Variants in RANBP17 observed in about 807,000 individuals in gnomAD.
The protein encoded by RANBP17 is RAN binding protein 17, also known as ran-binding protein 17.
Under a neutral mutation model 141.2 loss-of-function variants are expected in RANBP17, and 158 were observed. The observed-to-expected ratio is 1.12, with a 90% confidence interval of 0.98 to 1.28. The LOEUF is 1.28. Ranked by LOEUF, RANBP17 falls within the 50% of genes most tolerant of loss-of-function variation. The probability of loss-of-function intolerance (pLI) is 0.00; values close to 1 mark genes in which losing one functional copy is unlikely to be tolerated. For missense variants in RANBP17, 1,438 were observed against 1,290.7 expected, an observed-to-expected ratio of 1.11 and a Z score of -1.75; for synonymous variants, 430 against 450.0, an observed-to-expected ratio of 0.96 and a Z score of 0.56.
At chr5:171,276,494 A>G (rs1409252060) in intron 25 of RANBP17, among the ~76,000 whole-genome samples, 4 of 152,352 alleles carry the variant, frequency 2.6e-5, no homozygotes, top group Middle Eastern at 3.4e-3. Flanking sequence ...ACTAAAAAAT[A>G]TGATGTGGTT....
intron 25 of RANBP17, among the ~76,000 whole-genome samples, chr5:171,287,213 G>A (rs781743039): frequency 1.3e-5 from 2 of 152,248 alleles, no homozygotes; most frequent in African/African-American, 2.4e-5. Context: ...CAGATTGGCC[G>A]GGTGCAGTGG....
At chr5:170,924,756 G>C in intron 12 of RANBP17, 2 of 414,588 alleles carry the variant, frequency 4.8e-6, no homozygotes, top group Non-Finnish European at 8.7e-6. Context: ...CTATAAGATT[G>C]ATAGGATATA....
At chr5:171,253,170 T>G (rs922423547) in intron 24 of RANBP17, among the ~76,000 whole-genome samples, 38 of 152,278 alleles carry the variant, frequency 2.5e-4, no homozygotes, top group African/African-American at 9.1e-4. Context: ...AGTAGTTGAT[T>G]TATTTGCTCA....
rs191391887 is a variant in RANBP17, at chr5:171,040,967, C to G, written c.1710+72590C>G. Among the ~76,000 whole-genome samples the G allele has an allele frequency of 3.2e-4, 48 of 152,188 alleles. No homozygotes were observed. The East Asian group carries it at 8.9e-3, about 28-fold the overall frequency. On this transcript the variant is annotated intron_variant, in intron 14 of 27. Coordinates refer to ENST00000523189, the MANE Select transcript of RANBP17 (RefSeq NM_022897.5). The stretch of plus-strand genomic sequence containing the variant: ...TTAAGGTCTTTTATGAGGTTTCAGT[C>G]GAAATGTTGATCCAGGGCTGAAAAT...
chr5:171,275,746 C>T (rs922056506), intron 25 of RANBP17, among the ~76,000 whole-genome samples: 8 of 152,234 alleles, frequency 5.3e-5, no homozygotes, highest in Admixed American at 2.0e-4. Context: ...ACATGGAATA[C>T]TCAAAAGTCA....
At chr5:170,892,649 T>A in intron 4 of RANBP17, 96 bp downstream of exon 4, 2 of 811,736 alleles carry the variant, frequency 2.5e-6, no homozygotes, top group Non-Finnish European at 3.8e-6. Context: ...GTTTTGTGAC[T>A]ACCAGTACCA....
chr5:171,206,053 T>C (rs1762560388), intron 20 of RANBP17: 3 of 307,430 alleles, frequency 9.8e-6, no homozygotes, highest in South Asian at 6.0e-5. Context: ...AGATAATGAA[T>C]GGACATGGAA....
chr5:170,991,086 A>G (rs904399793), intron 14 of RANBP17, among the ~76,000 whole-genome samples: 1 of 151,968 alleles, frequency 6.6e-6, no homozygotes, highest in African/African-American at 2.4e-5. Flanking sequence ...GGTTGTTTTA[A>G]TAACTTTCTT....
chr5:170,968,008 T>C (rs1776711959), intron 13 of RANBP17, among the ~76,000 whole-genome samples: 1 of 151,882 alleles, frequency 6.6e-6, no homozygotes, highest in African/African-American at 2.4e-5. Context: ...GTTTTGCATC[T>C]ATATGCATGT....
At chr5:171,252,081 C>T in intron 24 of RANBP17, 1 of 1,599,296 alleles carries the variant, frequency 6.3e-7, no homozygotes, top group Non-Finnish European at 8.6e-7. Context: ...TCTTCCATAG[C>T]ATAGCCACTC....
chr5:170,920,624 T>A (rs949303132), intron 11 of RANBP17, among the ~76,000 whole-genome samples: 1 of 152,098 alleles, frequency 6.6e-6, no homozygotes, highest in Non-Finnish European at 1.5e-5. Context: ...TTTCTTTCTT[T>A]TTATTATACT....
At chr5:171,215,863 C>G (rs1763183055) in intron 21 of RANBP17, among the ~76,000 whole-genome samples, 3 of 152,070 alleles carry the variant, frequency 2.0e-5, no homozygotes, top group African/African-American at 7.2e-5. Flanking sequence ...GTTGCCTGTT[C>G]ACTCTGATGA....
chr5:171,296,922 AAAATT>A (rs1768856541), intron 27 of RANBP17, among the ~76,000 whole-genome samples: 1 of 152,358 alleles, frequency 6.6e-6, no homozygotes, highest in South Asian at 2.1e-4. Context: ...CAAAAATAAT[AAAATT>A]AAATTAAAAT....
intron 16 of RANBP17, among the ~76,000 whole-genome samples, chr5:171,171,991 T>C (rs919493657): frequency 6.6e-6 from 1 of 151,978 alleles, no homozygotes; most frequent in African/African-American, 2.4e-5. Flanking sequence ...TCATGTAGAT[T>C]TTCTTTTCTA....
At chr5:171,118,584 G>T (rs1755806345) in intron 14 of RANBP17, among the ~76,000 whole-genome samples, 1 of 151,798 alleles carries the variant, frequency 6.6e-6, no homozygotes, top group Non-Finnish European at 1.5e-5. Flanking sequence ...TTTGTGTTTT[G>T]TAGTTTTCCT....
Position 171,183,621 on chromosome 5 carries a change from A to AGGT in RANBP17, c.2038+194_2038+196dup, listed in dbSNP as rs1214091336. 2.0e-5 allele frequency among the ~76,000 whole-genome samples: 3 copies of AGGT among 152,352 alleles called. No individual in the cohort carries two copies. The East Asian group carries it at 5.8e-4, about 29-fold the overall frequency. ...GCCAAAAGACAAATATTTGTACTTAAGGTGGCATTTTTCACTTCACATAAC... is the reference window on the plus strand; with the variant it reads ...GCCAAAAGACAAATATTTGTACTTAAGGTGGTGGCATTTTTCACTTCACATAAC... On this transcript the variant is annotated intron_variant, in intron 18 of 27. Coordinates refer to ENST00000523189, the MANE Select transcript of RANBP17 (RefSeq NM_022897.5).
At chr5:171,111,292 C>A (rs1370042364) in intron 14 of RANBP17, among the ~76,000 whole-genome samples, 1 of 152,166 alleles carries the variant, frequency 6.6e-6, no homozygotes, top group African/African-American at 2.4e-5. Context: ...AGCTTCTCCC[C>A]AGACTTCTCT....
At chr5:171,266,513 G>A (rs998726518) in intron 25 of RANBP17, among the ~76,000 whole-genome samples, 3 of 152,106 alleles carry the variant, frequency 2.0e-5, no homozygotes, top group African/African-American at 7.2e-5. Flanking sequence ...AATATTGCAA[G>A]GTGCAGTACC....
chr5:171,099,749 T>C (rs1393171741), intron 14 of RANBP17, among the ~76,000 whole-genome samples: 1 of 152,212 alleles, frequency 6.6e-6, no homozygotes, highest in Non-Finnish European at 1.5e-5. Flanking sequence ...TTGTCATAAA[T>C]AGCTCTTACT....
Sources: allele counts gnomAD v4.1 joint callset (sites outside exome capture counted in the v4.1 genomes callset), GRCh38; gene constraint gnomAD v4.1.1; transcripts MANE v1.5; gene names NCBI Gene and HGNC (gene_info 2026-07-23, HGNC 2026-07-21).